ARHGAP24: variants seen among roughly 807,000 people sequenced by gnomAD.
ARHGAP24 encodes the protein rho GTPase-activating protein 24.
ARHGAP24 carries 50 observed loss-of-function variants against 76.4 expected under a neutral mutation model. That is an observed-to-expected ratio of 0.65 (90% confidence interval 0.52 to 0.83). The LOEUF (loss-of-function observed/expected upper bound fraction) is 0.83, where lower values mean the gene tolerates loss of function less well. Among genes scored for constraint, ARHGAP24 ranks in the 40% least tolerant of loss-of-function variants. The pLI is 0.00. For missense variants in ARHGAP24, 930 were observed against 914.2 expected (o/e 1.02, Z -0.22); for synonymous variants, 345 against 323.3 (o/e 1.07, Z -0.72).
At chr4:85,666,791 C>T (rs1009366093) in intron 2 of ARHGAP24, among the ~76,000 whole-genome samples, 6 of 152,178 alleles carry the variant, frequency 3.9e-5, no homozygotes, top group Non-Finnish European at 8.8e-5. Context: ...GTATCAGTAG[C>T]GGTGGCTGCA....
chr4:85,509,088 C>T (rs532895937), intron 1 of ARHGAP24, among the ~76,000 whole-genome samples: 41 of 150,594 alleles, frequency 2.7e-4, no homozygotes, highest in Admixed American at 2.1e-3. Flanking sequence ...AGTAAACTAT[C>T]GCAAGAACAA....
intron 3 of ARHGAP24, among the ~76,000 whole-genome samples, chr4:85,887,473 A>G (rs1733624839): frequency 6.6e-6 from 1 of 152,182 alleles, no homozygotes; most frequent in Non-Finnish European, 1.5e-5. Flanking sequence ...AGAGACTGAG[A>G]AAGAGATGGA....
chr4:85,897,975 T>A (rs1369117998), intron 3 of ARHGAP24, among the ~76,000 whole-genome samples: 1 of 148,664 alleles, frequency 6.7e-6, no homozygotes, highest in Non-Finnish European at 1.5e-5. Context: ...GAAATTTACC[T>A]CTAATACACA....
chr4:85,883,139 G>A (rs1190282499), intron 3 of ARHGAP24, among the ~76,000 whole-genome samples: 1 of 152,110 alleles, frequency 6.6e-6, no homozygotes, highest in East Asian at 1.9e-4. Context: ...CTCTTCCAAG[G>A]TTACCAGCAA....
intron 3 of ARHGAP24, among the ~76,000 whole-genome samples, chr4:85,806,127 A>G (rs1728780524): frequency 1.3e-5 from 2 of 152,178 alleles, no homozygotes; most frequent in Non-Finnish European, 2.9e-5. Context: ...TAGAAAACTA[A>G]ACTTGTTCCA....
At chr4:85,784,840 G>T (rs780243880) in intron 3 of ARHGAP24, among the ~76,000 whole-genome samples, 1 of 151,516 alleles carries the variant, frequency 6.6e-6, no homozygotes, top group Non-Finnish European at 1.5e-5. Context: ...TACTGTCCCC[G>T]CCCCAATCCT....
chr4:85,739,406 T>C (rs543701007), intron 3 of ARHGAP24, among the ~76,000 whole-genome samples: 2 of 152,362 alleles, frequency 1.3e-5, no homozygotes, highest in East Asian at 1.9e-4. Flanking sequence ...TTCCAAAATA[T>C]ATCTCTGCTC....
At chr4:85,698,239 TA>T (rs1473227602) in intron 2 of ARHGAP24, among the ~76,000 whole-genome samples, 39 of 152,336 alleles carry the variant, frequency 2.6e-4, no homozygotes, top group African/African-American at 8.7e-4. Context: ...GCTTCATTTT[TA>T]GTCATTTGAT....
intron 2 of ARHGAP24, among the ~76,000 whole-genome samples, chr4:85,606,385 T>C (rs991986672): frequency 2.0e-5 from 3 of 151,924 alleles, no homozygotes; most frequent in Non-Finnish European, 2.9e-5. Flanking sequence ...TGGTTGCGGG[T>C]GCCTGTAGTC....
chr4:85,783,952 A>G (rs1727679935), intron 3 of ARHGAP24, among the ~76,000 whole-genome samples: 1 of 152,170 alleles, frequency 6.6e-6, no homozygotes, highest in South Asian at 2.1e-4. Flanking sequence ...GGCCTCTTCT[A>G]CATGAAACAA....
chr4:85,801,475 G>T (rs1728575149), intron 3 of ARHGAP24, among the ~76,000 whole-genome samples: 1 of 152,182 alleles, frequency 6.6e-6, no homozygotes, highest in Non-Finnish European at 1.5e-5. Context: ...TGGTTGGTCA[G>T]TTGCTCTGCT....
chr4:85,534,389 A>C (rs191764876), intron 1 of ARHGAP24, among the ~76,000 whole-genome samples: 101 of 152,176 alleles, frequency 6.6e-4, no homozygotes, highest in Non-Finnish European at 1.1e-3. Flanking sequence ...GACTGCAGGA[A>C]GAAGCTAGAA....
chr4:85,971,446 G>A (rs1208183446), intron 5 of ARHGAP24, among the ~76,000 whole-genome samples: 1 of 151,978 alleles, frequency 6.6e-6, no homozygotes, highest in African/African-American at 2.4e-5. Context: ...ATGCTTGAAT[G>A]TTCAAATCAC....
At chr4:85,621,952 A>G (rs28867780) in intron 2 of ARHGAP24, among the ~76,000 whole-genome samples, 50,038 of 151,954 alleles carry the variant, frequency 0.33, 9,293 homozygotes, top group East Asian at 0.84. Context: ...TATGGTGAGA[A>G]ATAGGAGTCC....
intron 4 of ARHGAP24, among the ~76,000 whole-genome samples, chr4:85,941,217 G>A (rs1480848138): frequency 6.6e-6 from 1 of 152,156 alleles, no homozygotes; most frequent in East Asian, 1.9e-4. Flanking sequence ...TATTTCAAAA[G>A]TATTATCTCT....
chr4:85,616,927 G>A (rs969725481), intron 2 of ARHGAP24, among the ~76,000 whole-genome samples: 3 of 151,586 alleles, frequency 2.0e-5, no homozygotes, highest in African/African-American at 4.8e-5. Flanking sequence ...CATGCCCAGC[G>A]GCTTCCTTTT....
chr4:85,586,123 T>A (rs995454911), intron 2 of ARHGAP24, among the ~76,000 whole-genome samples: 2 of 152,202 alleles, frequency 1.3e-5, no homozygotes, highest in Non-Finnish European at 2.9e-5. Flanking sequence ...CTCTTTCTTT[T>A]TTTCCCCCCT....
chr4:85,768,383 C>T (rs1174997055), intron 3 of ARHGAP24, among the ~76,000 whole-genome samples: 1 of 152,058 alleles, frequency 6.6e-6, no homozygotes, highest in Non-Finnish European at 1.5e-5. Context: ...GAAAAGAATG[C>T]TTCTGAGTTG....
intron 1 of ARHGAP24, among the ~76,000 whole-genome samples, chr4:85,489,357 T>G (rs2110092701): frequency 6.6e-6 from 1 of 152,370 alleles, no homozygotes; most frequent in East Asian, 1.9e-4. Flanking sequence ...GTTGTTTCTG[T>G]GCAGGGCTTT....
Sources: allele counts gnomAD v4.1 joint callset (sites outside exome capture counted in the v4.1 genomes callset), GRCh38; gene constraint gnomAD v4.1.1; transcripts MANE v1.5; gene names NCBI Gene and HGNC (gene_info 2026-07-23, HGNC 2026-07-21).